The following ARFGEF1 variants were observed in gnomAD, a reference collection of about 807,000 sequenced individuals.
The protein encoded by ARFGEF1 is ARF guanine nucleotide exchange factor 1, also known as brefeldin A-inhibited guanine nucleotide-exchange protein 1.
ARFGEF1 carries 42 observed loss-of-function variants against 231.0 expected under a neutral mutation model. The ratio of observed to expected loss-of-function variants is 0.18; its 90% CI spans 0.14 to 0.24. The LOEUF (loss-of-function observed/expected upper bound fraction) is 0.24, where lower values mean the gene tolerates loss of function less well. Ranked by LOEUF, ARFGEF1 falls within the 10% of genes least tolerant of loss-of-function variation. The pLI, the probability that ARFGEF1 is intolerant of heterozygous loss-of-function variation, is 1.00. For missense variants in ARFGEF1, 1,345 were observed against 2,192.0 expected (o/e 0.61, Z 7.72); for synonymous variants, 710 against 732.3 (o/e 0.97, Z 0.49).
rs1839365446 is a variant in ARFGEF1, at chr8:67,226,189, A to G, written c.3917-6T>C. The G allele has an allele frequency of 6.4e-7, 1 of 1,567,686 alleles. No individual in the cohort carries two copies. The highest frequency in any genetic ancestry group is 1.4e-5 in the African/African-American group (1 of 72,312). ...GTGTTTTTCAAATACAAGGGCTAAA[A>G]TAGAGAAAAATATATATTACTATAA... On this transcript the variant is annotated splice_region_variant and splice_polypyrimidine_tract_variant and intron_variant, in intron 27 of 38. Coordinates refer to ENST00000262215, the MANE Select transcript of ARFGEF1 (RefSeq NM_006421.5).
intron 14 of ARFGEF1, among the ~76,000 whole-genome samples, chr8:67,264,345 G>C (rs1804761089): frequency 6.6e-6 from 1 of 152,214 alleles, no homozygotes; most frequent in East Asian, 1.9e-4. Flanking sequence ...ACAAGTCTTA[G>C]TGACAGATTA....
At chr8:67,287,929 A>T (rs371832191) in intron 7 of ARFGEF1, 26 bp downstream of exon 7, 3 of 1,489,300 alleles carry the variant, frequency 2.0e-6, no homozygotes, top group Non-Finnish European at 2.7e-6. Flanking sequence ...AGACAGAGTA[A>T]AATAATTTTG....
At chr8:67,211,450 A>G in intron 34 of ARFGEF1, 33 bp downstream of exon 34, 1 of 1,512,898 alleles carries the variant, frequency 6.6e-7, no homozygotes, top group Non-Finnish European at 8.9e-7. Context: ...TACATAAAAC[A>G]CAAATTTATT....
At chr8:67,318,030 G>A (rs1331120811) in intron 1 of ARFGEF1, among the ~76,000 whole-genome samples, 2 of 151,810 alleles carry the variant, frequency 1.3e-5, no homozygotes, top group African/African-American at 4.8e-5. Context: ...GAGGTCAGGA[G>A]ATCGAGACCA....
intron 22 of ARFGEF1, among the ~76,000 whole-genome samples, chr8:67,235,883 G>C (rs115342020): frequency 1.6e-3 from 246 of 152,004 alleles, no homozygotes; most frequent in African/African-American, 5.5e-3. Flanking sequence ...TGAAAGTTTC[G>C]TATTTCCAAA....
chr8:67,265,902 A>G, intron 14 of ARFGEF1, 104 bp downstream of exon 14: 2 of 1,007,402 alleles, frequency 2.0e-6, no homozygotes, highest in Non-Finnish European at 3.0e-6. Context: ...CATGAGAACT[A>G]TCCTCCATTT....
rs1324708581 is a variant in ARFGEF1 at position 67,337,116 on chromosome 8, G to A, written c.124+6048C>T. Among the ~76,000 whole-genome samples, 5 of 126,384 alleles carry A rather than the reference G, an allele frequency of 4.0e-5. No homozygotes were observed. In the South Asian group the frequency reaches 1.0e-3, roughly 26 times the overall value. The allele number at this position is 126,384 out of a possible 152,430, so 82.9% of individuals were successfully genotyped here. A position where few individuals can be genotyped will look rare whatever the true frequency, so the allele number is the denominator to read the frequency against. On this transcript the variant is annotated intron_variant, in intron 1 of 38. Transcript: ENST00000262215. ...TGCACTCCAGCCTGTGTGACAGAGC[G>A]TGACGCCGTCTCAAAAAAAAAAAAA...
At chr8:67,307,241 T>A (rs950026540) in intron 1 of ARFGEF1, among the ~76,000 whole-genome samples, 1 of 152,230 alleles carries the variant, frequency 6.6e-6, no homozygotes, top group Non-Finnish European at 1.5e-5. Flanking sequence ...CCTGCTTGCC[T>A]CCTCCTTTTA....
chr8:67,300,052 C>CT (rs1167781390), intron 3 of ARFGEF1, among the ~76,000 whole-genome samples: 1 of 152,096 alleles, frequency 6.6e-6, no homozygotes, highest in African/African-American at 2.4e-5. Flanking sequence ...TATCTTCATG[C>CT]TTTTATATGA....
intron 18 of ARFGEF1, 64 bp from the exon 19 acceptor site, chr8:67,251,514 T>A: frequency 7.2e-7 from 1 of 1,394,490 alleles, no homozygotes; most frequent in Non-Finnish European, 9.5e-7. Flanking sequence ...TTTTGATATT[T>A]TACTATCAAA....
chr8:67,203,698 A>G (rs935857555), intron 35 of ARFGEF1, among the ~76,000 whole-genome samples: 7 of 152,176 alleles, frequency 4.6e-5, no homozygotes, highest in Non-Finnish European at 1.0e-4. Context: ...CCTAGGCCAC[A>G]CTCCTGGCCA....
intron 1 of ARFGEF1, among the ~76,000 whole-genome samples, chr8:67,341,524 G>C (rs1808627336): frequency 6.6e-6 from 1 of 152,050 alleles, no homozygotes; most frequent in African/African-American, 2.4e-5. Flanking sequence ...CTGATCCTGG[G>C]AGTTTGAGGC....
intron 36 of ARFGEF1, 148 bp downstream of exon 36, chr8:67,202,935 G>A (rs1838385414): frequency 4.0e-6 from 3 of 754,996 alleles, no homozygotes; most frequent in Non-Finnish European, 5.9e-6. Context: ...GGGCCTCGTT[G>A]TGAGGTTACT....
chr8:67,284,539 A>AT (rs1805670083), intron 7 of ARFGEF1, among the ~76,000 whole-genome samples: 1 of 152,224 alleles, frequency 6.6e-6, no homozygotes, highest in Admixed American at 6.5e-5. Context: ...AGTAGGATAT[A>AT]TTTAAGGATA....
intron 4 of ARFGEF1, 123 bp downstream of exon 4, chr8:67,299,086 G>T: frequency 2.0e-6 from 2 of 993,296 alleles, no homozygotes; most frequent in South Asian, 2.0e-5. Flanking sequence ...GCCCGGCCTC[G>T]AATAACCTGT....
chr8:67,261,377 A>G (rs1464359979), intron 14 of ARFGEF1, among the ~76,000 whole-genome samples: 1 of 152,218 alleles, frequency 6.6e-6, no homozygotes, highest in African/African-American at 2.4e-5. Flanking sequence ...CTCATTTACC[A>G]TTCCAAAGAT....
At chr8:67,175,707 G>A (rs532094757) in intron 5 of ARFGEF1, 264 of 542,898 alleles carry the variant, frequency 4.9e-4, no homozygotes, top group Non-Finnish European at 7.4e-4. Context: ...GCCAGGTGAC[G>A]TCTGCATCAG....
intron 30 of ARFGEF1, 75 bp downstream of exon 30, chr8:67,219,356 A>C: frequency 6.7e-7 from 1 of 1,487,530 alleles, no homozygotes; most frequent in Non-Finnish European, 9.0e-7. Flanking sequence ...AATTTGAAAC[A>C]CTAAAATGTA....
intron 19 of ARFGEF1, among the ~76,000 whole-genome samples, chr8:67,244,266 A>AC (rs1204678816): frequency 5.8e-5 from 1 of 17,208 alleles, no homozygotes; most frequent in African/African-American, 2.9e-4. Context: ...AAAAAAAAAA[A>AC]AACATTCGAC....
Sources: allele counts gnomAD v4.1 joint callset (sites outside exome capture counted in the v4.1 genomes callset), GRCh38; gene constraint gnomAD v4.1.1; transcripts MANE v1.5; gene names NCBI Gene and HGNC (gene_info 2026-07-23, HGNC 2026-07-21).